Variants in POC1B observed in about 807,000 individuals in gnomAD.
The protein encoded by POC1B is POC1 centriolar protein B, also known as POC1 centriolar protein homolog B.
Under a neutral mutation model 60.6 loss-of-function variants are expected in POC1B, and 44 were observed. That is an observed-to-expected ratio of 0.73 (90% CI 0.57 to 0.93). The LOEUF is 0.93. POC1B is among the 40% of genes least tolerant of loss of function. POC1B has a pLI of 0.00. For missense variants in POC1B, 555 were observed against 572.3 expected, an observed-to-expected ratio of 0.97 and a Z score of 0.31; for synonymous variants, 180 against 198.9, an observed-to-expected ratio of 0.90 and a Z score of 0.80.
chr12:89,489,737 GT>G (rs1471192594), intron 4 of POC1B, among the ~76,000 whole-genome samples: 5 of 152,186 alleles, frequency 3.3e-5, no homozygotes, highest in Non-Finnish European at 7.3e-5. Flanking sequence ...AGGGGCCACA[GT>G]TTTCCCCTGC....
chr12:89,436,401 A>G (rs543567958), intron 10 of POC1B, among the ~76,000 whole-genome samples: 1 of 152,314 alleles, frequency 6.6e-6, no homozygotes, highest in African/African-American at 2.4e-5. Flanking sequence ...GAATTTACCA[A>G]ATAACCAGCA....
chr12:89,417,793 T>C (rs1592570384), downstream of POC1B, among the ~76,000 whole-genome samples: 1 of 152,210 alleles, frequency 6.6e-6, no homozygotes, highest in Non-Finnish European at 1.5e-5. Flanking sequence ...GTTTTTCCCC[T>C]ATCACAGATA....
chr12:89,524,756 C>T (rs1871271152), intron 2 of POC1B: 1 of 638,618 alleles, frequency 1.6e-6, no homozygotes, highest in South Asian at 2.0e-5. Context: ...ACTCCTCTCT[C>T]CCTACTTCCT....
rs776200884 is a variant in POC1B, at chr12:89,459,621, A to C, written c.1113+17T>G. ...TGCCACTTAAGTGTCAAAAAAAAAAAAAAAAACCCGACTTACTGTGGTAGA... is the reference window on the plus strand; with the variant it reads ...TGCCACTTAAGTGTCAAAAAAAAAACAAAAAACCCGACTTACTGTGGTAGA... On this transcript the variant is annotated intron_variant, in intron 10 of 11. Transcript: ENST00000313546. The C allele has an allele frequency of 3.7e-5, 51 of 1,376,242 alleles. No individual in the cohort carries two copies. Among genetic ancestry groups the C allele is most frequent in the East Asian group, 1.2e-4 (5 of 41,086 alleles). The allele number at this position is 1,376,242 out of a possible 1,614,324, so 85.3% of individuals were successfully genotyped here. A position where few individuals can be genotyped will look rare whatever the true frequency, so the allele number is the denominator to read the frequency against.
chr12:89,467,763 T>A, intron 7 of POC1B, 78 bp from the exon 8 acceptor site: 1 of 1,131,122 alleles, frequency 8.8e-7, no homozygotes, highest in Non-Finnish European at 1.3e-6. Flanking sequence ...GGATATCAAT[T>A]TCTCATCCTA....
chr12:89,524,185 T>C, intron 2 of POC1B: 1 of 1,614,010 alleles, frequency 6.2e-7, no homozygotes, highest in Non-Finnish European at 8.5e-7. Context: ...CTTACACTCA[T>C]ACATTCTTTT....
At chr12:89,523,939 C>T in intron 2 of POC1B, 4 of 1,612,706 alleles carry the variant, frequency 2.5e-6, no homozygotes, top group Non-Finnish European at 3.4e-6. Context: ...CAGCCCCTCT[C>T]GCTTATTGGT....
chr12:89,470,591 A>G (rs1882852957), intron 6 of POC1B, 97 bp from the exon 7 acceptor site: 1 of 1,020,964 alleles, frequency 9.8e-7, no homozygotes, highest in African/African-American at 1.6e-5. Flanking sequence ...AAACAAGAGC[A>G]CTGTTTCCAC....
chr12:89,525,074 A>G (rs1592656988), intron 2 of POC1B, 46 bp downstream of exon 2: 4 of 1,612,560 alleles, frequency 2.5e-6, no homozygotes, highest in Non-Finnish European at 3.4e-6. Flanking sequence ...TTTCCGGCCC[A>G]TGGAGTTTAG....
At chr12:89,435,003 T>C (rs919662717) in intron 10 of POC1B, among the ~76,000 whole-genome samples, 1 of 152,178 alleles carries the variant, frequency 6.6e-6, no homozygotes, top group African/African-American at 2.4e-5. Flanking sequence ...AAAAATCTAG[T>C]TCCATTGTTT....
intron 9 of POC1B, among the ~76,000 whole-genome samples, chr12:89,462,690 T>C (rs559371256): frequency 6.6e-6 from 1 of 152,054 alleles, no homozygotes; most frequent in Non-Finnish European, 1.5e-5. Context: ...ATCAAAGTGG[T>C]TAAAAACACA....
rs573685529 is a variant in POC1B at position 89,471,301 on chromosome 12, G to C, written c.676+313C>G. Among the ~76,000 whole-genome samples the C allele has an allele frequency of 8.5e-5, 13 of 152,278 alleles. No homozygotes were observed. The South Asian group carries it at 2.7e-3, about 32-fold the overall frequency. On this transcript the variant is annotated intron_variant, in intron 6 of 11. Transcript: ENST00000313546. ...CCTATTTGTGCTCACGTAACTCCCT[G>C]TGATTCAGAATTCAGTCATTTCTAT... is the stretch of plus-strand genomic sequence containing the variant.
At chr12:89,448,086 C>G (rs1955194898) in intron 10 of POC1B, among the ~76,000 whole-genome samples, 1 of 152,024 alleles carries the variant, frequency 6.6e-6, no homozygotes, top group African/African-American at 2.4e-5. Flanking sequence ...GAGCCTTGCC[C>G]CCAAGATTTC....
chr12:89,500,023 G>A (rs535195210), intron 2 of POC1B: 55 of 997,952 alleles, frequency 5.5e-5, no homozygotes, highest in Non-Finnish European at 7.8e-5. Flanking sequence ...TTTCTTGCTC[G>A]GCCTCCTGGA....
intron 3 of POC1B, among the ~76,000 whole-genome samples, chr12:89,492,400 A>G (rs1276863956): frequency 2.0e-5 from 3 of 152,180 alleles, no homozygotes; most frequent in Non-Finnish European, 4.4e-5. Context: ...AAAACCTTAA[A>G]ATGGGAGAAG....
chr12:89,499,988 C>T lies in POC1B; in HGVS notation c.101-2646G>A, dbSNP rs145479010. On this transcript the variant is annotated intron_variant, in intron 2 of 11. Coordinates refer to ENST00000313546, the MANE Select transcript of POC1B (RefSeq NM_172240.3). Reference sequence around the variant, plus strand: ...CTTCGACTTAAGGGTGTTGCTTGGCCGCCGCCTGGTAGTCCGGCGATTCAT... The same window carrying T: ...CTTCGACTTAAGGGTGTTGCTTGGCTGCCGCCTGGTAGTCCGGCGATTCAT... 34 of 795,430 alleles carry T rather than the reference C, an allele frequency of 4.3e-5. No homozygotes were observed. In the East Asian group the frequency reaches 8.4e-4, roughly 20 times the overall value. 49.3% of individuals were successfully genotyped at this position (795,430 alleles called of 1,614,324 possible). A position where few individuals can be genotyped will look rare whatever the true frequency, so the allele number is the denominator to read the frequency against.
chr12:89,510,373 C>T (rs1870119324), intron 2 of POC1B, among the ~76,000 whole-genome samples: 1 of 152,166 alleles, frequency 6.6e-6, no homozygotes, highest in Admixed American at 6.5e-5. Flanking sequence ...TTTGTTGGAG[C>T]TAGAGACCTA....
At chr12:89,480,509 C>G (rs955305855) in intron 4 of POC1B, among the ~76,000 whole-genome samples, 7 of 151,756 alleles carry the variant, frequency 4.6e-5, no homozygotes, top group Admixed American at 1.3e-4. Context: ...CAACCTCTGC[C>G]TCCAAGGTTC....
chr12:89,454,198 C>T (rs1040582555), intron 10 of POC1B, among the ~76,000 whole-genome samples: 4 of 152,206 alleles, frequency 2.6e-5, no homozygotes, highest in African/African-American at 9.6e-5. Context: ...ATATTCTCAG[C>T]TATCCTGAGA....
Sources: allele counts gnomAD v4.1 joint callset (sites outside exome capture counted in the v4.1 genomes callset), GRCh38; gene constraint gnomAD v4.1.1; transcripts MANE v1.5; gene names NCBI Gene and HGNC (gene_info 2026-07-23, HGNC 2026-07-21).